The following MINDY4 variants were observed in gnomAD, a reference collection of about 807,000 sequenced individuals.
The protein encoded by MINDY4 is probable ubiquitin carboxyl-terminal hydrolase MINDY-4.
A neutral mutation model predicts 87.0 loss-of-function variants in MINDY4; 68 were observed. The ratio of observed to expected loss-of-function variants is 0.78; its 90% CI spans 0.64 to 0.96. The LOEUF is 0.96. MINDY4 is among the 40% of genes least tolerant of loss of function. The pLI is 0.00. For missense variants in MINDY4, 919 were observed against 928.2 expected, an observed-to-expected ratio of 0.99 and a Z score of 0.13; for synonymous variants, 379 against 363.2, an observed-to-expected ratio of 1.04 and a Z score of -0.50.
At chr7:30,877,683 C>CTTCTT (rs1554285649) in intron 15 of MINDY4, among the ~76,000 whole-genome samples, 136 of 112,676 alleles carry the variant, frequency 1.2e-3, no homozygotes, top group African/African-American at 4.3e-3. Flanking sequence ...TCTTCTTCTT[C>CTTCTT]TTTTTTTTTT....
chr7:30,876,812 C>T (rs890198190), intron 15 of MINDY4, among the ~76,000 whole-genome samples: 15 of 152,138 alleles, frequency 9.9e-5, no homozygotes, highest in Admixed American at 9.2e-4. Context: ...CCTCATTCAC[C>T]ACCTATCCTC....
chr7:30,797,428 A>G (rs551532117), intron 5 of MINDY4, among the ~76,000 whole-genome samples: 1 of 152,356 alleles, frequency 6.6e-6, no homozygotes, highest in Non-Finnish European at 1.5e-5. Flanking sequence ...AAAACCTACC[A>G]GAGAGGGTTA....
chr7:30,796,425 T>C (rs1442305252), intron 5 of MINDY4, among the ~76,000 whole-genome samples: 1 of 152,170 alleles, frequency 6.6e-6, no homozygotes, highest in Non-Finnish European at 1.5e-5. Flanking sequence ...CTGGAGAAAG[T>C]GAGTATCTTC....
intron 5 of MINDY4, among the ~76,000 whole-genome samples, chr7:30,822,615 C>T (rs936988493): frequency 7.8e-5 from 8 of 102,686 alleles, no homozygotes; most frequent in African/African-American, 1.7e-4. Context: ...TCTTGGTTGA[C>T]GTGCCTGTCT....
At chr7:30,833,484 C>T (rs1463234226) in intron 6 of MINDY4, among the ~76,000 whole-genome samples, 1 of 152,212 alleles carries the variant, frequency 6.6e-6, no homozygotes, top group Non-Finnish European at 1.5e-5. Flanking sequence ...GTCCTTCCCA[C>T]AACATGTGGG....
intron 5 of MINDY4, among the ~76,000 whole-genome samples, chr7:30,813,937 C>T (rs1004942783): frequency 3.9e-5 from 6 of 152,158 alleles, no homozygotes; most frequent in Non-Finnish European, 4.4e-5. Context: ...GGAAGCATAG[C>T]TCTAGGAACC....
intron 12 of MINDY4, among the ~76,000 whole-genome samples, chr7:30,855,855 G>A (rs1482767620): frequency 6.6e-6 from 1 of 152,220 alleles, no homozygotes; most frequent in East Asian, 1.9e-4. Flanking sequence ...TCCTCACTCT[G>A]GAAGGCAGCT....
At chr7:30,821,975 T>C (rs941497038) in intron 5 of MINDY4, among the ~76,000 whole-genome samples, 6 of 152,156 alleles carry the variant, frequency 3.9e-5, no homozygotes, top group African/African-American at 1.4e-4. Context: ...ATTTGTTCTT[T>C]CTCTCTCTTT....
intron 6 of MINDY4, among the ~76,000 whole-genome samples, chr7:30,835,545 A>C (rs1788832217): frequency 2.0e-5 from 3 of 152,214 alleles, no homozygotes; most frequent in Admixed American, 2.0e-4. Flanking sequence ...CAGTGGTAGA[A>C]TCTATGTGCT....
intron 13 of MINDY4, among the ~76,000 whole-genome samples, chr7:30,860,195 T>C (rs916094522): frequency 1.6e-4 from 25 of 151,826 alleles, no homozygotes; most frequent in African/African-American, 5.8e-4. Context: ...GCAGGGTGAG[T>C]AGCCTTGTGG....
Position 30,840,807 on chromosome 7 carries a change from G to T in MINDY4, c.1404G>T (p.Gln468His). 2 of 1,614,196 alleles carry T rather than the reference G, an allele frequency of 1.2e-6. No individual in the cohort carries two copies. Among genetic ancestry groups the T allele is most frequent in the Non-Finnish European group, 1.7e-6 (2 of 1,180,028 alleles). ...VLAAVQGCVL[Q>H]KLLFEGDSKA... ...CAGCTGTCCAAGGCTGTGTCCTACAGAAACTCCTGTTTGAAGGAGATAGCA... is the reference window on the plus strand; with the variant it reads ...CAGCTGTCCAAGGCTGTGTCCTACATAAACTCCTGTTTGAAGGAGATAGCA... The change falls in exon 9 of 18, where the codon CAG becomes CAT. Residue 468 changes from glutamine to histidine, a missense_variant. Gln to His is a conservative substitution (Grantham distance 24, BLOSUM62 0). Transcript: ENST00000265299.
intron 1 of MINDY4, among the ~76,000 whole-genome samples, chr7:30,777,272 A>G (rs1786853961): frequency 6.6e-6 from 1 of 152,122 alleles, no homozygotes; most frequent in African/African-American, 2.4e-5. Flanking sequence ...TGAACTGTTG[A>G]CAGACATAAA....
intron 9 of MINDY4, among the ~76,000 whole-genome samples, chr7:30,842,209 T>A (rs1190081485): frequency 1.3e-5 from 2 of 152,216 alleles, no homozygotes; most frequent in Admixed American, 6.5e-5. Context: ...CGTGGCAAGA[T>A]CTCACCTGTC....
At chr7:30,888,239 C>T (rs1790693394) in intron 17 of MINDY4, among the ~76,000 whole-genome samples, 1 of 152,168 alleles carries the variant, frequency 6.6e-6, no homozygotes, top group Non-Finnish European at 1.5e-5. Context: ...ACTTGAGCAC[C>T]AGGGACCATG....
In MINDY4 at chr7:30,791,192, CG is replaced by C; in HGVS notation, c.693del (p.Ser232ProfsTer47). ...TTCTTTTCACAGACACTATCTGAGA[CG>C]GTCCTCACCGTCAAGCAGCTCCACC... ...QDSFHRHYLR[R>X]SSPSSSSTQP... is the part of the protein sequence containing the mutation. On this transcript the variant is annotated frameshift_variant, in exon 5 of 18. Coordinates refer to ENST00000265299, the MANE Select transcript of MINDY4 (RefSeq NM_032222.3). LOFTEE classifies it high-confidence loss of function. 6.2e-7 allele frequency: 1 copy of C among 1,613,612 alleles called. No homozygotes were observed. Among genetic ancestry groups the C allele is most frequent in the Non-Finnish European group, 8.5e-7 (1 of 1,179,694 alleles).
At chr7:30,827,032 G>T (rs1362430261) in intron 5 of MINDY4, among the ~76,000 whole-genome samples, 1 of 152,212 alleles carries the variant, frequency 6.6e-6, no homozygotes, top group Admixed American at 6.5e-5. Context: ...AAAGATGTCA[G>T]GGGCCAAGGG....
At chr7:30,809,396 A>T (rs1787916049) in intron 5 of MINDY4, among the ~76,000 whole-genome samples, 2 of 146,308 alleles carry the variant, frequency 1.4e-5, no homozygotes, top group East Asian at 1.9e-4. Context: ...AAAAAAAAAA[A>T]GGATGATTTA....
intron 5 of MINDY4, among the ~76,000 whole-genome samples, chr7:30,820,716 A>G (rs972870389): frequency 1.7e-4 from 26 of 152,242 alleles, no homozygotes; most frequent in Non-Finnish European, 2.6e-4. Context: ...GTATGGATAT[A>G]TAACATTTTA....
chr7:30,891,869 C>G (rs1790803891), intron 17 of MINDY4, 88 bp from the exon 18 acceptor site: 1 of 1,361,174 alleles, frequency 7.3e-7, no homozygotes, highest in Non-Finnish European at 1.1e-6. Context: ...CAAGACAAAA[C>G]CTTCAGGAAG....
Sources: gnomAD v4.1 joint callset for allele counts (sites outside exome capture counted in the v4.1 genomes callset) on GRCh38, gnomAD v4.1.1 for gene constraint, MANE v1.5 for transcripts, NCBI Gene and HGNC (gene_info 2026-07-23, HGNC 2026-07-21) for gene names.